Variants in SNX8 observed in about 807,000 individuals in gnomAD.
SNX8 encodes sorting nexin-8.
Under a neutral mutation model 51.6 loss-of-function variants are expected in SNX8, and 25 were observed. The observed-to-expected ratio is 0.48, with a 90% CI of 0.35 to 0.68. SNX8 has a LOEUF of 0.68. SNX8 is among the 30% of genes least tolerant of loss of function. The pLI, the probability that SNX8 is intolerant of heterozygous loss-of-function variation, is 0.00. For synonymous variants in SNX8, 324 were observed against 277.0 expected, an observed-to-expected ratio of 1.17 and a Z score of -1.68; for missense variants, 695 against 624.0, an observed-to-expected ratio of 1.11 and a Z score of -1.21.
At chr7:2,269,991 C>T (rs374492982) in intron 4 of SNX8, among the ~76,000 whole-genome samples, 4 of 152,040 alleles carry the variant, frequency 2.6e-5, no homozygotes, top group East Asian at 1.9e-4. Flanking sequence ...AGACCCGGGG[C>T]GGCGTCAGCC....
chr7:2,302,973 C>G (rs918862866), intron 1 of SNX8, among the ~76,000 whole-genome samples: 1 of 151,580 alleles, frequency 6.6e-6, no homozygotes, highest in Non-Finnish European at 1.5e-5. Flanking sequence ...AAGTGAGGAG[C>G]GTCTCCGCCC....
chr7:2,346,208 G>A (rs1779021107), intron 1 of SNX8, among the ~76,000 whole-genome samples: 2 of 151,604 alleles, frequency 1.3e-5, no homozygotes, highest in African/African-American at 4.9e-5. Flanking sequence ...GAGGAACAGA[G>A]GAGAAAATAT....
intron 1 of SNX8, among the ~76,000 whole-genome samples, chr7:2,312,725 A>G (rs1238650377): frequency 6.6e-6 from 1 of 151,452 alleles, no homozygotes; most frequent in Non-Finnish European, 1.5e-5. Flanking sequence ...ACCTTGCCAG[A>G]CCTCCCCACA....
rs966817511 is a variant in SNX8 at position 2,254,943 on chromosome 7, G to A, written c.*113C>T. The A allele has an allele frequency of 2.2e-5, 17 of 768,920 alleles. No individual in the cohort carries two copies. The highest frequency in any genetic ancestry group is 3.6e-5 in the Non-Finnish European group (16 of 450,652). 47.6% of individuals were successfully genotyped at this position (768,920 alleles called of 1,614,324 possible). On this transcript the variant is annotated 3_prime_UTR_variant, in exon 11 of 11. Coordinates refer to ENST00000222990, the MANE Select transcript of SNX8 (RefSeq NM_013321.4). ...CGTGAGCTCCTCTGCTCCAGCTGCA[G>A]CACGGGGCGTGGCGGGGAGGGGAGC...
At chr7:2,319,611 C>A (rs902840877) in intron 1 of SNX8, among the ~76,000 whole-genome samples, 2 of 152,042 alleles carry the variant, frequency 1.3e-5, no homozygotes, top group Non-Finnish European at 2.9e-5. Context: ...GTCAGGAGAT[C>A]GAGACCATCC....
At chr7:2,304,316 G>A (rs535603941) in intron 1 of SNX8, among the ~76,000 whole-genome samples, 37 of 151,996 alleles carry the variant, frequency 2.4e-4, no homozygotes, top group Non-Finnish European at 4.3e-4. Flanking sequence ...AGGCCAAGGT[G>A]GGCAGATCAC....
chr7:2,306,921 C>T (rs1562450551), intron 1 of SNX8, among the ~76,000 whole-genome samples: 1 of 152,166 alleles, frequency 6.6e-6, no homozygotes, highest in Non-Finnish European at 1.5e-5. Flanking sequence ...AACTGGGCTT[C>T]TTGAAAGATA....
chr7:2,257,480 T>G lies in SNX8; in HGVS notation c.1019A>C (p.His340Pro). The stretch of plus-strand genomic sequence containing the variant: ...CTTGTGCAGGGCCCGCTGGTGCTTG[T>G]GCAACACGCCCTTCTCATGCCGCTC... ...LCERHEKGVL[H>P]KHQRALHKYS... Residue 340 changes from histidine to proline, a missense_variant, in exon 9 of 11, where the codon CAC becomes CCC. Coordinates refer to ENST00000222990, the MANE Select transcript of SNX8 (RefSeq NM_013321.4). The G allele has an allele frequency of 6.2e-7, 1 of 1,606,646 alleles. No homozygotes were observed.
intron 5 of SNX8, among the ~76,000 whole-genome samples, chr7:2,268,569 T>G (rs866291886): frequency 1.9e-5 from 2 of 107,150 alleles, no homozygotes; most frequent in Non-Finnish European, 2.0e-5. Flanking sequence ...GCCCCCCGCC[T>G]GGCCAGCCGC....
At chr7:2,328,059 G>A (rs1357250771) in intron 1 of SNX8, among the ~76,000 whole-genome samples, 3 of 151,126 alleles carry the variant, frequency 2.0e-5, no homozygotes, top group Admixed American at 6.6e-5. Context: ...TTATTTGTTT[G>A]TTTGTTTTGA....
At chr7:2,283,079 C>A (rs1795945188) in intron 1 of SNX8, among the ~76,000 whole-genome samples, 1 of 151,968 alleles carries the variant, frequency 6.6e-6, no homozygotes. Flanking sequence ...AGAGATCGCG[C>A]CACTGCACTC....
intron 1 of SNX8, among the ~76,000 whole-genome samples, chr7:2,285,664 CT>C (rs1178477613): frequency 2.7e-5 from 4 of 149,724 alleles, no homozygotes; most frequent in Non-Finnish European, 5.9e-5. Context: ...CTCATACTTT[CT>C]TTTTCTATTT....
chr7:2,256,746 T>G, intron 10 of SNX8, 128 bp downstream of exon 10: 1 of 858,656 alleles, frequency 1.2e-6, no homozygotes, highest in Non-Finnish European at 1.7e-6. Context: ...CCAAGGCCCA[T>G]GCGGAGCCCA....
chr7:2,305,960 C>G (rs1796534729), intron 1 of SNX8, among the ~76,000 whole-genome samples: 1 of 152,102 alleles, frequency 6.6e-6, no homozygotes. Context: ...AACGCTCCTT[C>G]TGGTTGCATC....
At chr7:2,268,618 C>A (rs1368821329) in intron 5 of SNX8, among the ~76,000 whole-genome samples, 1 of 131,938 alleles carries the variant, frequency 7.6e-6, no homozygotes. Context: ...GCCCTCCGCC[C>A]AGCCAGCCGC....
At chr7:2,345,014 T>C (rs1208243996) in intron 1 of SNX8, among the ~76,000 whole-genome samples, 1 of 151,720 alleles carries the variant, frequency 6.6e-6, no homozygotes, top group Non-Finnish European at 1.5e-5. Flanking sequence ...CTGGAGGGAG[T>C]GTAAATTGGT....
chr7:2,251,818 C>A lies in SNX8; in HGVS notation c.*3238G>T, dbSNP rs1299380556. On this transcript the variant is annotated 3_prime_UTR_variant, in exon 11 of 11. Coordinates refer to ENST00000222990, the MANE Select transcript of SNX8 (RefSeq NM_013321.4). The stretch of plus-strand genomic sequence containing the variant: ...TTGATAAACCGTCCAAAATGTAGGT[C>A]ATGTGTAAACAATTCCAGTTGTTGG... The A allele has an allele frequency of 5.2e-5, 8 of 152,484 alleles. No individual in the cohort carries two copies. The highest frequency in any genetic ancestry group is 1.9e-4 in the African/African-American group (8 of 41,462). 9.4% of individuals were successfully genotyped at this position (152,484 alleles called of 1,614,324 possible). A position where few individuals can be genotyped will look rare whatever the true frequency, so the allele number is the denominator to read the frequency against.
chr7:2,326,409 T>C (rs1042418620), intron 1 of SNX8, among the ~76,000 whole-genome samples: 1 of 152,096 alleles, frequency 6.6e-6, no homozygotes, highest in Non-Finnish European at 1.5e-5. Flanking sequence ...CTCACGCCTG[T>C]AATCCCAGCA....
chr7:2,330,556 A>G (rs1020322526), intron 1 of SNX8, among the ~76,000 whole-genome samples: 3 of 152,142 alleles, frequency 2.0e-5, no homozygotes, highest in Non-Finnish European at 4.4e-5. Context: ...ACATGAAGCC[A>G]GTCAGTCAAA....
Sources: allele counts gnomAD v4.1 joint callset (sites outside exome capture counted in the v4.1 genomes callset), GRCh38; gene constraint gnomAD v4.1.1; transcripts MANE v1.5; gene names NCBI Gene and HGNC (gene_info 2026-07-23, HGNC 2026-07-21).